ENO4: variants seen among roughly 807,000 people sequenced by gnomAD.
ENO4 encodes the protein 2-phospho-D-glycerate hydro-lyase.
Under a neutral mutation model 63.2 loss-of-function variants are expected in ENO4, and 53 were observed. The observed-to-expected ratio is 0.84, with a 90% confidence interval of 0.67 to 1.05. The LOEUF (loss-of-function observed/expected upper bound fraction) is 1.05. Ranked by LOEUF, ENO4 falls within the 50% of genes least tolerant of loss-of-function variation. The probability of loss-of-function intolerance (pLI) is 0.00; values close to 1 mark genes in which losing one functional copy is unlikely to be tolerated. For missense variants in ENO4, 719 were observed against 772.0 expected (o/e 0.93, Z 0.81); for synonymous variants, 266 against 283.8 (o/e 0.94, Z 0.63).
intron 10 of ENO4, among the ~76,000 whole-genome samples, chr10:116,899,506 G>GGTGA (rs1554906587): frequency 2.4e-5 from 3 of 124,582 alleles, no homozygotes; most frequent in African/African-American, 8.8e-5. Flanking sequence ...GGCTGGGGCT[G>GGTGA]GTGTGTGTGT....
rs1413764402 is a variant in ENO4 at position 116,849,503 on chromosome 10, A to G, written c.-64A>G. ...GGGTCGGGATCACGTTGCGTTGCCTAGCGACAGCAGGGACGCTCGTGGGAC... is the reference window on the plus strand; with the variant it reads ...GGGTCGGGATCACGTTGCGTTGCCTGGCGACAGCAGGGACGCTCGTGGGAC... On this transcript the variant is annotated 5_prime_UTR_variant, in exon 1 of 14. Transcript: ENST00000341276. The G allele has an allele frequency of 7.0e-7, 1 of 1,430,520 alleles. No homozygotes were observed. The highest frequency in any genetic ancestry group is 9.2e-7 in the Non-Finnish European group (1 of 1,086,878). 88.6% of individuals were successfully genotyped at this position (1,430,520 alleles called of 1,614,324 possible). A position where few individuals can be genotyped will look rare whatever the true frequency, so the allele number is the denominator to read the frequency against.
intron 11 of ENO4, among the ~76,000 whole-genome samples, chr10:116,877,701 G>A (rs1589764201): frequency 6.6e-6 from 1 of 152,298 alleles, no homozygotes; most frequent in African/African-American, 2.4e-5. Flanking sequence ...GGGGATGACA[G>A]GTGAAAAGCG....
At chr10:116,853,565 C>T (rs1846155899) in intron 1 of ENO4, among the ~76,000 whole-genome samples, 1 of 152,178 alleles carries the variant, frequency 6.6e-6, no homozygotes, top group Non-Finnish European at 1.5e-5. Flanking sequence ...CATTCTTTCA[C>T]AGCCCATATT....
At chr10:116,909,134 G>A (rs1287438048) in intron 10 of ENO4, among the ~76,000 whole-genome samples, 2 of 152,162 alleles carry the variant, frequency 1.3e-5, no homozygotes, top group Admixed American at 6.5e-5. Flanking sequence ...TTCAAATTCA[G>A]TGAGCCTCAG....
At chr10:116,896,871 A>C (rs2133313823) in intron 10 of ENO4, among the ~76,000 whole-genome samples, 1 of 151,224 alleles carries the variant, frequency 6.6e-6, no homozygotes, top group Non-Finnish European at 1.5e-5. Context: ...CAGTGGCACA[A>C]TCTGGGCTCA....
chr10:116,861,220 CTA>C (rs1491237442), intron 6 of ENO4, 30 bp downstream of exon 6: 8 of 515,172 alleles, frequency 1.6e-5, no homozygotes, highest in Non-Finnish European at 1.7e-5. Flanking sequence ...ATTACCTTTT[CTA>C]AAAAAAAAAA....
chr10:116,866,971 A>G (rs1213821716), intron 7 of ENO4, among the ~76,000 whole-genome samples: 1 of 152,170 alleles, frequency 6.6e-6, no homozygotes, highest in Non-Finnish European at 1.5e-5. Context: ...TTCTTCTATT[A>G]AGTCTTAATT....
At chr10:116,902,027 A>G (rs1404031360) in intron 10 of ENO4, 14 of 1,338,862 alleles carry the variant, frequency 1.0e-5, no homozygotes, top group Non-Finnish European at 8.1e-6. Context: ...ACTGAAAAAC[A>G]GATTAGCTGA....
chr10:116,854,310 A>G (rs1293107219), intron 1 of ENO4, among the ~76,000 whole-genome samples: 1 of 152,210 alleles, frequency 6.6e-6, no homozygotes, highest in Non-Finnish European at 1.5e-5. Flanking sequence ...CTGTAATCCC[A>G]GCACTTTGGG....
downstream of ENO4, chr10:116,885,923 G>T (rs1847149784): frequency 6.0e-6 from 1 of 167,724 alleles, no homozygotes; most frequent in African/African-American, 2.4e-5. Context: ...ACCCAAAACA[G>T]AAGCTTCTTT....
At chr10:116,880,033 GAACA>G in intron 13 of ENO4, 47 bp downstream of exon 13, 1 of 1,408,114 alleles carries the variant, frequency 7.1e-7, no homozygotes, top group Non-Finnish European at 9.8e-7. Flanking sequence ...ATGAATAAGA[GAACA>G]AAGATTGGAA....
chr10:116,887,680 A>G (rs918468250), intron 10 of ENO4, among the ~76,000 whole-genome samples: 2 of 152,178 alleles, frequency 1.3e-5, no homozygotes, highest in Non-Finnish European at 2.9e-5. Flanking sequence ...ACTTACCACA[A>G]TTGTTTCCTG....
intron 10 of ENO4, among the ~76,000 whole-genome samples, chr10:116,910,146 G>A (rs1226700935): frequency 1.3e-5 from 2 of 152,162 alleles, no homozygotes; most frequent in African/African-American, 4.8e-5. Flanking sequence ...CCAGGTGACA[G>A]GGAATTACAA....
intron 10 of ENO4, among the ~76,000 whole-genome samples, chr10:116,890,780 C>G (rs543296675): frequency 2.6e-5 from 4 of 152,374 alleles, no homozygotes; most frequent in African/African-American, 9.6e-5. Context: ...AAAGACCTGA[C>G]TCCAAACCAT....
chr10:116,881,176 A>C (rs1421450963), intron 13 of ENO4, among the ~76,000 whole-genome samples: 1 of 152,234 alleles, frequency 6.6e-6, no homozygotes, highest in African/African-American at 2.4e-5. Context: ...GGGAGCAGTC[A>C]GCTGGCAGTG....
chr10:116,893,198 C>T lies in ENO4; in HGVS notation c.1194+13212C>T, dbSNP rs751112526. Among the ~76,000 whole-genome samples the T allele has an allele frequency of 4.6e-5, 7 of 152,186 alleles. No individual in the cohort carries two copies. The East Asian group carries it at 5.8e-4, about 13-fold the overall frequency. ...AGACAATCCTGACAGGCGGATCTTT[C>T]GGGCAGTCCACAGGATAACTCCTTG... On this transcript the variant is annotated intron_variant, in intron 10 of 10. Coordinates refer to the ENO4 transcript ENST00000369207.
intron 10 of ENO4, among the ~76,000 whole-genome samples, chr10:116,891,318 C>T (rs746814661): frequency 9.9e-5 from 15 of 152,276 alleles, no homozygotes; most frequent in Middle Eastern, 3.4e-3. Flanking sequence ...TCTTTCAAAT[C>T]GCAACAGCTG....
chr10:116,886,202 T>C, downstream of ENO4: 7 of 1,190,978 alleles, frequency 5.9e-6, no homozygotes, highest in Non-Finnish European at 1.2e-6. Flanking sequence ...AGTTGCTACT[T>C]ACAAAAGTGA....
Position 116,861,156 on chromosome 10 carries a change from T to G in ENO4, c.902T>G (p.Ile301Ser). 1 of 1,544,058 alleles carries G rather than the reference T, an allele frequency of 6.5e-7. No homozygotes were observed. The highest frequency in any genetic ancestry group is 8.8e-7 in the Non-Finnish European group (1 of 1,142,358). ...AAGCTAAATTTAATGAAAGAAGTGA[T>G]TTGTATACCCCATCCTGAATTAACA... Reference protein sequence around the residue: ...SGKLNLMKEVICIPHPELTTK... With the variant: ...SGKLNLMKEVSCIPHPELTTK... Residue 301 changes from isoleucine to serine, a missense_variant, in exon 6 of 14, where the codon ATT becomes AGT. This residue lies in a region of ENO4 where 544 missense variants were observed against 583.6 expected (regional missense o/e 0.93). Transcript: ENST00000341276.
Sources: allele counts gnomAD v4.1 joint callset (sites outside exome capture counted in the v4.1 genomes callset), GRCh38; gene constraint gnomAD v4.1.1; regional missense constraint gnomAD v4.1.1; transcripts MANE v1.5; gene names NCBI Gene and HGNC (gene_info 2026-07-23, HGNC 2026-07-21).